ADCY3: variants seen among roughly 807,000 people sequenced by gnomAD.
ADCY3 encodes the protein adenylate cyclase type 3.
ADCY3 carries 70 observed loss-of-function variants against 119.4 expected under a neutral mutation model. The ratio of observed to expected loss-of-function variants is 0.59; its 90% confidence interval spans 0.48 to 0.72. ADCY3 has a LOEUF of 0.72. Ranked by LOEUF, ADCY3 falls within the 30% of genes least tolerant of loss-of-function variation. ADCY3 has a pLI of 0.00. For missense variants in ADCY3, 1,238 were observed against 1,541.6 expected (o/e 0.80, Z 3.30); for synonymous variants, 672 against 621.4 (o/e 1.08, Z -1.21).
chr2:24,895,610 TTTTC>T (rs546129022), intron 2 of ADCY3, among the ~76,000 whole-genome samples: 88 of 152,084 alleles, frequency 5.8e-4, no homozygotes, highest in African/African-American at 1.8e-3. Flanking sequence ...TGTCAATGTT[TTTTC>T]TTTCTTTCTT....
intron 9 of ADCY3, 114 bp from the exon 10 acceptor site, chr2:24,835,050 C>T (rs1670120090): frequency 7.6e-7 from 1 of 1,321,154 alleles, no homozygotes; most frequent in Non-Finnish European, 1.0e-6. Flanking sequence ...CTCGGAGGAC[C>T]AATCCCTCCA....
intron 3 of ADCY3, among the ~76,000 whole-genome samples, chr2:24,856,220 T>C (rs937706255): frequency 6.6e-6 from 1 of 152,186 alleles, no homozygotes; most frequent in Non-Finnish European, 1.5e-5. Flanking sequence ...CTTGCACATG[T>C]ACACACATGC....
At chr2:24,836,783 T>G (rs1490732311) in intron 9 of ADCY3, 134 bp downstream of exon 9, 14 of 1,343,776 alleles carry the variant, frequency 1.0e-5, no homozygotes, top group African/African-American at 1.5e-5. Flanking sequence ...ATGGTTACAG[T>G]GCTAAGCAGG....
At chr2:24,844,084 G>A (rs1185619589) in intron 3 of ADCY3, among the ~76,000 whole-genome samples, 3 of 152,230 alleles carry the variant, frequency 2.0e-5, no homozygotes, top group Non-Finnish European at 4.4e-5. Flanking sequence ...TGTCCAGCAA[G>A]GGGCCAAGAT....
rs775797185 is a variant in ADCY3 at position 24,837,084 on chromosome 2, GA to G, written c.1534-40del. On this transcript the variant is annotated intron_variant, in intron 8 of 21. Transcript: ENST00000679454. Reference sequence around the variant, plus strand: ...GAGCTCAGCCATGATCTGGGCATGGGATGAGAGTGGCGTGGACAGGTCTGGA... The same window carrying G: ...GAGCTCAGCCATGATCTGGGCATGGGTGAGAGTGGCGTGGACAGGTCTGGA... The G allele has an allele frequency of 1.9e-6, 3 of 1,608,936 alleles. No homozygotes were observed. The Admixed American group carries it at 5.0e-5, about 27-fold the overall frequency.
chr2:24,820,364 C>G, intron 21 of ADCY3: 1 of 1,326,946 alleles, frequency 7.5e-7, no homozygotes, highest in Non-Finnish European at 9.6e-7. Flanking sequence ...CCATGGTCAC[C>G]TGGGTGGCAG....
At chr2:24,843,069 C>G (rs998825385) in intron 3 of ADCY3, among the ~76,000 whole-genome samples, 5 of 152,226 alleles carry the variant, frequency 3.3e-5, no homozygotes, top group Non-Finnish European at 5.9e-5. Context: ...GCTGAGGGCA[C>G]TCCTGTTGGA....
Position 24,918,038 on chromosome 2 carries a change from G to A in ADCY3, c.675+275C>T, listed in dbSNP as rs1299932768. 6.6e-6 allele frequency among the ~76,000 whole-genome samples: 1 copy of A among 152,180 alleles called. No homozygotes were observed. Among genetic ancestry groups the A allele is most frequent in the Non-Finnish European group, 1.5e-5 (1 of 68,026 alleles). ...TGCTGCCTCAAGACCAGCCCTGGGT[G>A]GGCCTTCCTGTCACACACTTAGACT... On this transcript the variant is annotated intron_variant, in intron 2 of 21. Coordinates refer to ENST00000679454, the MANE Select transcript of ADCY3 (RefSeq NM_004036.5). The surrounding 1 kb of genome is among the most constrained non-coding windows in gnomAD (Gnocchi z 5.4).
chr2:24,841,775 G>T lies in ADCY3; in HGVS notation c.957-108C>A. The T allele has an allele frequency of 2.5e-6, 2 of 803,628 alleles. No individual in the cohort carries two copies. The highest frequency in any genetic ancestry group is 4.2e-6 in the Non-Finnish European group (2 of 481,316). The allele number at this position is 803,628 out of a possible 1,614,324, so 49.8% of individuals were successfully genotyped here. ...CAGGGCAGCCAGGATCAGGGCAGGA[G>T]AAGGTCCTCCCTCACGACCCCCAGA... On this transcript the variant is annotated intron_variant, in intron 4 of 21. Coordinates refer to ENST00000679454, the MANE Select transcript of ADCY3 (RefSeq NM_004036.5). The surrounding 1 kb of genome is among the most constrained non-coding windows in gnomAD (Gnocchi z 5.8).
chr2:24,835,072 C>T (rs1670124156), intron 9 of ADCY3, 136 bp from the exon 10 acceptor site: 9 of 1,211,580 alleles, frequency 7.4e-6, no homozygotes, highest in South Asian at 1.5e-5. Flanking sequence ...CTCTAAAATC[C>T]CTTTCCGGGA....
intron 12 of ADCY3, 96 bp downstream of exon 12, chr2:24,831,566 A>T (rs940386250): frequency 5.2e-5 from 52 of 992,146 alleles, no homozygotes; most frequent in Non-Finnish European, 8.2e-5. Context: ...TGCCTGTCAG[A>T]TTTGACAGAA....
intron 2 of ADCY3, among the ~76,000 whole-genome samples, chr2:24,889,654 T>C (rs1275458308): frequency 6.6e-6 from 1 of 152,156 alleles, no homozygotes; most frequent in Admixed American, 6.5e-5. Flanking sequence ...CTGGCCAACG[T>C]GGTGAAATCC....
intron 18 of ADCY3, 77 bp from the exon 19 acceptor site, chr2:24,822,707 T>C: frequency 6.4e-7 from 1 of 1,569,810 alleles, no homozygotes; most frequent in Non-Finnish European, 8.7e-7. Flanking sequence ...GATGTACCTG[T>C]TTACAAGGAC....
chr2:24,913,807 T>C (rs1465016960), intron 2 of ADCY3, among the ~76,000 whole-genome samples: 1 of 152,242 alleles, frequency 6.6e-6, no homozygotes, highest in South Asian at 2.1e-4. Context: ...AGCTTCCTCA[T>C]GTTTTACTTG....
At chr2:24,839,541 T>A (rs1572853484) in intron 7 of ADCY3, among the ~76,000 whole-genome samples, 1 of 152,180 alleles carries the variant, frequency 6.6e-6, no homozygotes, top group African/African-American at 2.4e-5. Context: ...AGACCTGGGC[T>A]CTGACATAAG....
chr2:24,894,912 A>T (rs781611327), intron 2 of ADCY3, among the ~76,000 whole-genome samples: 2 of 151,764 alleles, frequency 1.3e-5, no homozygotes, highest in Non-Finnish European at 2.9e-5. Context: ...TTTCTTTTTC[A>T]GTTCTACTGT....
At chr2:24,859,085 C>T (rs1044012725) in intron 3 of ADCY3, among the ~76,000 whole-genome samples, 2 of 152,108 alleles carry the variant, frequency 1.3e-5, no homozygotes, top group Non-Finnish European at 2.9e-5. Context: ...GAGAGGCATT[C>T]GAGGCTAAAA....
At position 24,822,599 on chromosome 2, in the gene ADCY3, G is replaced by T. The variant is rs773402151; in HGVS notation, c.2915C>A (p.Thr972Asn). 1.9e-6 allele frequency: 3 copies of T among 1,614,090 alleles called. No individual in the cohort carries two copies. The highest frequency in any genetic ancestry group is 2.5e-6 in the Non-Finnish European group (3 of 1,180,002). The change falls in exon 19 of 22, where the codon ACC becomes AAC. Residue 972 changes from threonine (T) to asparagine (N), a missense_variant. Physicochemically the swap from Thr to Asn is moderately conservative, Grantham distance 65. Around this residue, in one of 7 missense-constraint regions of ADCY3, gnomAD observed 37 missense variants for 73.5 expected, o/e 0.50. Coordinates refer to ENST00000679454, the MANE Select transcript of ADCY3 (RefSeq NM_004036.5). Reference sequence around the variant, plus strand: ...CGTGCTGCCAATGGTTTTGATCTTGGTGATCACCCGGAACTTGGGATTGTC... The same window carrying T: ...CGTGCTGCCAATGGTTTTGATCTTGTTGATCACCCGGAACTTGGGATTGTC... ...LLDNPKFRVI[T>N]KIKTIGSTYM...
chr2:24,824,341 T>C (rs1668288533), intron 17 of ADCY3, 37 bp downstream of exon 17: 27 of 1,606,126 alleles, frequency 1.7e-5, no homozygotes, highest in Non-Finnish European at 2.2e-5. Flanking sequence ...TGGAGACAAA[T>C]GGCCTCATGG....
Sources: allele counts gnomAD v4.1 joint callset (sites outside exome capture counted in the v4.1 genomes callset), GRCh38; gene constraint gnomAD v4.1.1; regional missense constraint gnomAD v4.1.1; non-coding constraint Gnocchi (gnomAD v3.1); transcripts MANE v1.5; gene names NCBI Gene and HGNC (gene_info 2026-07-23, HGNC 2026-07-21).